CADM2: variants seen among roughly 807,000 people sequenced by gnomAD.
CADM2 encodes the protein immunoglobulin superfamily member 4D.
In CADM2, 12 loss-of-function variants were observed where a neutral mutation model predicts 49.8. That is an observed-to-expected ratio of 0.24 (90% CI 0.15 to 0.39). The LOEUF (loss-of-function observed/expected upper bound fraction) is 0.39. Among genes scored for constraint, CADM2 ranks in the 10% least tolerant of loss-of-function variants. The pLI is 1.00. For synonymous variants in CADM2, 214 were observed against 175.4 expected (o/e 1.22, Z -1.74); for missense variants, 378 against 492.3 (o/e 0.77, Z 2.20).
At chr3:85,690,505 T>G in intron 1 of CADM2, among the ~76,000 whole-genome samples, 1 of 147,060 alleles carries the variant, frequency 6.8e-6, no homozygotes, top group African/African-American at 2.5e-5. Context: ...GTGGGGGGAG[T>G]CAAGAGGGGA....
chr3:85,909,883 A>G (rs73843512), intron 5 of CADM2, among the ~76,000 whole-genome samples: 8,205 of 152,262 alleles, frequency 0.054, 631 homozygotes, highest in African/African-American at 0.17. Context: ...TTCTCTATTC[A>G]TTTCTTTGGG....
intron 1 of CADM2, among the ~76,000 whole-genome samples, chr3:85,582,885 G>A (rs1448556890): frequency 6.6e-6 from 1 of 152,108 alleles, no homozygotes; most frequent in African/African-American, 2.4e-5. Context: ...CCTTGTTGGT[G>A]ACGGTTGGCA....
chr3:85,989,152 C>T (rs1225356565), intron 8 of CADM2, among the ~76,000 whole-genome samples: 1 of 152,064 alleles, frequency 6.6e-6, no homozygotes, highest in Non-Finnish European at 1.5e-5. Flanking sequence ...AACTAATGGC[C>T]ATCTCAAAGG....
At chr3:85,159,113 C>T (rs922875439) in intron 1 of CADM2, among the ~76,000 whole-genome samples, 1 of 152,090 alleles carries the variant, frequency 6.6e-6, no homozygotes, top group African/African-American at 2.4e-5. Context: ...TTTACTTAAT[C>T]ATTTGCAAAT....
chr3:85,969,605 CAT>C (rs756049017), intron 8 of CADM2, among the ~76,000 whole-genome samples: 21 of 150,872 alleles, frequency 1.4e-4, no homozygotes, highest in African/African-American at 3.9e-4. Context: ...TGTGTATGTA[CAT>C]GTTTGTGTGT....
intron 1 of CADM2, among the ~76,000 whole-genome samples, chr3:85,082,235 G>A (rs964607417): frequency 6.6e-6 from 1 of 152,106 alleles, no homozygotes; most frequent in Non-Finnish European, 1.5e-5. Context: ...GCATTGTAAG[G>A]TAGGAATAGA....
chr3:85,580,634 A>AT (rs1300459362), intron 1 of CADM2, among the ~76,000 whole-genome samples: 5 of 151,980 alleles, frequency 3.3e-5, no homozygotes, highest in Non-Finnish European at 7.4e-5. Context: ...ATAATGACCT[A>AT]TTTTTTCTAT....
intron 1 of CADM2, among the ~76,000 whole-genome samples, chr3:85,217,019 A>C (rs1048308523): frequency 2.6e-5 from 4 of 151,952 alleles, no homozygotes; most frequent in Non-Finnish European, 2.9e-5. Flanking sequence ...CTTATAATAA[A>C]ATATATTGTA....
intron 1 of CADM2, among the ~76,000 whole-genome samples, chr3:85,458,517 A>G (rs142625236): frequency 1.5e-3 from 230 of 152,322 alleles, no homozygotes; most frequent in African/African-American, 5.1e-3. Flanking sequence ...GAGAATTAGA[A>G]AAGGTCATAT....
At chr3:85,595,617 C>A (rs1202207217) in intron 1 of CADM2, among the ~76,000 whole-genome samples, 2 of 151,804 alleles carry the variant, frequency 1.3e-5, no homozygotes, top group Non-Finnish European at 2.9e-5. Context: ...TGTTTAAAAC[C>A]TTTTATATCC....
At chr3:86,018,531 T>C (rs949319897) in intron 8 of CADM2, among the ~76,000 whole-genome samples, 5 of 152,102 alleles carry the variant, frequency 3.3e-5, no homozygotes, top group African/African-American at 4.8e-5. Flanking sequence ...ACATCCTCTC[T>C]AGCACCTGTT....
chr3:85,090,791 C>G (rs959099570), intron 1 of CADM2, among the ~76,000 whole-genome samples: 1 of 152,118 alleles, frequency 6.6e-6, no homozygotes, highest in African/African-American at 2.4e-5. Flanking sequence ...ACTGCACATG[C>G]GAGGGCTCTA....
intron 5 of CADM2, among the ~76,000 whole-genome samples, chr3:85,899,848 G>T (rs776462350): frequency 4.6e-5 from 7 of 152,036 alleles, no homozygotes; most frequent in Non-Finnish European, 1.0e-4. Context: ...AATAGATCTT[G>T]TCCCAGCCTC....
At chr3:86,017,650 A>C (rs1577962994) in intron 8 of CADM2, among the ~76,000 whole-genome samples, 1 of 150,946 alleles carries the variant, frequency 6.6e-6, no homozygotes, top group South Asian at 2.1e-4. Context: ...AGTCACTTAA[A>C]CCCAGAAGCA....
intron 1 of CADM2, among the ~76,000 whole-genome samples, chr3:85,721,801 C>T (rs1179465545): frequency 6.6e-6 from 1 of 152,228 alleles, no homozygotes; most frequent in East Asian, 1.9e-4. Context: ...TTCTTGTCTT[C>T]TCCCACAATG....
chr3:84,987,869 C>T lies in CADM2; in HGVS notation c.61+28201C>T, dbSNP rs556970758. 9.2e-4 allele frequency among the ~76,000 whole-genome samples: 140 copies of T among 152,226 alleles called. No individual in the cohort carries two copies. In the Middle Eastern group the frequency reaches 0.01, roughly 11 times the overall value. On this transcript the variant is annotated intron_variant, in intron 1 of 9. Transcript: ENST00000383699. ...AACTGTTCTGGGATGCATCTGTTTT[C>T]CTAATTGGTGGAACTGATAAGGATA...
chr3:85,288,611 A>T (rs568164036), intron 1 of CADM2, among the ~76,000 whole-genome samples: 5 of 152,160 alleles, frequency 3.3e-5, no homozygotes, highest in Non-Finnish European at 7.3e-5. Context: ...AAATAATTGC[A>T]TGGTAGGAAA....
intron 1 of CADM2, among the ~76,000 whole-genome samples, chr3:85,084,729 G>A (rs2107508575): frequency 6.6e-6 from 1 of 152,100 alleles, no homozygotes; most frequent in South Asian, 2.1e-4. Context: ...TTATATATGT[G>A]ACTAGCATTT....
chr3:85,082,690 C>T (rs759426572), intron 1 of CADM2, among the ~76,000 whole-genome samples: 2 of 151,964 alleles, frequency 1.3e-5, no homozygotes, highest in Non-Finnish European at 2.9e-5. Context: ...TTAGGGCACA[C>T]GGTTAGGGGT....
Sources: gnomAD v4.1 joint callset for allele counts (sites outside exome capture counted in the v4.1 genomes callset) on GRCh38, gnomAD v4.1.1 for gene constraint, MANE v1.5 for transcripts, NCBI Gene and HGNC (gene_info 2026-07-23, HGNC 2026-07-21) for gene names.